The following ENOX1 variants were observed in gnomAD, a reference collection of about 807,000 sequenced individuals.
The protein encoded by ENOX1 is ecto-NOX disulfide-thiol exchanger 1.
ENOX1 carries 42 observed loss-of-function variants against 82.5 expected under a neutral mutation model. That is an observed-to-expected ratio of 0.51 (90% confidence interval 0.40 to 0.66). The LOEUF (loss-of-function observed/expected upper bound fraction) is 0.66, where lower values mean the gene tolerates loss of function less well. ENOX1 is among the 30% of genes least tolerant of loss of function. ENOX1 has a pLI of 0.00. For synonymous variants in ENOX1, 271 were observed against 282.2 expected, an observed-to-expected ratio of 0.96 and a Z score of 0.40; for missense variants, 608 against 811.6, an observed-to-expected ratio of 0.75 and a Z score of 3.05.
intron 1 of ENOX1, among the ~76,000 whole-genome samples, chr13:43,782,934 T>G (rs1952358298): frequency 6.6e-6 from 1 of 152,162 alleles, no homozygotes. Flanking sequence ...ATGGCTTTGA[T>G]AAAAGACTGA....
At chr13:43,405,586 G>A (rs1462842470) in intron 5 of ENOX1, among the ~76,000 whole-genome samples, 1 of 151,704 alleles carries the variant, frequency 6.6e-6, no homozygotes, top group Non-Finnish European at 1.5e-5. Context: ...CCACTTGCAA[G>A]TCTAGAAGCC....
chr13:43,488,793 A>G (rs1361065314), intron 2 of ENOX1, among the ~76,000 whole-genome samples: 1 of 152,224 alleles, frequency 6.6e-6, no homozygotes, highest in African/African-American at 2.4e-5. Flanking sequence ...GAGATCTCAG[A>G]TGGACATAAG....
intron 2 of ENOX1, among the ~76,000 whole-genome samples, chr13:43,491,302 T>A (rs1038300759): frequency 6.6e-6 from 1 of 152,134 alleles, no homozygotes; most frequent in African/African-American, 2.4e-5. Context: ...CATCACCTCC[T>A]ACCAGGCCCC....
chr13:43,306,366 C>CT lies in ENOX1; in HGVS notation c.1262-7837dup, dbSNP rs2046863421. 3.3e-5 allele frequency among the ~76,000 whole-genome samples: 5 copies of CT among 152,238 alleles called. No homozygotes were observed. The South Asian group carries it at 1.0e-3, about 32-fold the overall frequency. On this transcript the variant is annotated intron_variant, in intron 11 of 16. Transcript: ENST00000690772. ...TTTCTTTTAATTCGATTTTAGTTTTCTTTTTCACTTTCAGTCCCTATTTTG... is the reference window on the plus strand; with the variant it reads ...TTTCTTTTAATTCGATTTTAGTTTTCTTTTTTCACTTTCAGTCCCTATTTTG...
intron 1 of ENOX1, among the ~76,000 whole-genome samples, chr13:43,770,276 T>C (rs1010744120): frequency 6.6e-6 from 1 of 152,238 alleles, no homozygotes; most frequent in African/African-American, 2.4e-5. Context: ...CCTGGTCACA[T>C]GACCTACAAT....
In ENOX1 at chr13:43,288,698, TG is replaced by T. The variant is rs537659289; in HGVS notation, c.1446+9647del. On this transcript the variant is annotated intron_variant, in intron 12 of 16. Transcript: ENST00000690772. ...GAGCCAATAACCAGATCATTGTGTATGGGCTATTCCTTCCTTCTAATTGAAC... is the reference window on the plus strand; with the variant it reads ...GAGCCAATAACCAGATCATTGTGTATGGCTATTCCTTCCTTCTAATTGAAC... 1.3e-4 allele frequency among the ~76,000 whole-genome samples: 20 copies of T among 152,332 alleles called. No homozygotes were observed. In the South Asian group the frequency reaches 3.7e-3, roughly 28 times the overall value.
intron 12 of ENOX1, among the ~76,000 whole-genome samples, chr13:43,292,938 C>T (rs1261807829): frequency 6.6e-6 from 1 of 152,000 alleles, no homozygotes; most frequent in Non-Finnish European, 1.5e-5. Context: ...CCACTAGCCC[C>T]AACATGGCCA....
intron 2 of ENOX1, among the ~76,000 whole-genome samples, chr13:43,530,059 C>T (rs2078145633): frequency 1.3e-5 from 2 of 152,062 alleles, no homozygotes; most frequent in Non-Finnish European, 2.9e-5. Context: ...TGTTTCAATA[C>T]TCATCTAATA....
intron 15 of ENOX1, among the ~76,000 whole-genome samples, chr13:43,231,216 A>G (rs2042265211): frequency 1.3e-5 from 2 of 152,180 alleles, no homozygotes; most frequent in Non-Finnish European, 2.9e-5. Flanking sequence ...GTCTTGTTTC[A>G]TGTTGACACC....
chr13:43,276,549 G>T (rs1481228331), intron 12 of ENOX1, among the ~76,000 whole-genome samples: 1 of 152,130 alleles, frequency 6.6e-6, no homozygotes, highest in Non-Finnish European at 1.5e-5. Context: ...ATCAAGTTTT[G>T]GTTCTCACTG....
intron 2 of ENOX1, among the ~76,000 whole-genome samples, chr13:43,533,223 C>T (rs2153689587): frequency 6.6e-6 from 1 of 152,114 alleles, no homozygotes; most frequent in South Asian, 2.1e-4. Context: ...TCATATCTTC[C>T]CCCAGGAGGA....
At chr13:43,466,269 T>G (rs1182008743) in intron 3 of ENOX1, among the ~76,000 whole-genome samples, 1 of 151,802 alleles carries the variant, frequency 6.6e-6, no homozygotes, top group East Asian at 1.9e-4. Context: ...AAAGTAAAAA[T>G]CCACTAAGGA....
At chr13:43,462,117 A>T (rs1487178872) in intron 3 of ENOX1, among the ~76,000 whole-genome samples, 2 of 152,220 alleles carry the variant, frequency 1.3e-5, no homozygotes, top group African/African-American at 4.8e-5. Flanking sequence ...GACCCACTCT[A>T]TCTGATCCAG....
At chr13:43,685,168 A>C (rs1219266120) in intron 1 of ENOX1, among the ~76,000 whole-genome samples, 1 of 152,150 alleles carries the variant, frequency 6.6e-6, no homozygotes, top group Admixed American at 6.6e-5. Context: ...CCCGGACGAC[A>C]CTTTCCTACA....
chr13:43,432,822 T>C (rs1351194520), intron 3 of ENOX1, among the ~76,000 whole-genome samples: 2 of 152,196 alleles, frequency 1.3e-5, no homozygotes, highest in African/African-American at 2.4e-5. Context: ...TTTATTTCTT[T>C]TTTTTAAGGG....
chr13:43,459,730 C>T (rs939914763), intron 3 of ENOX1, among the ~76,000 whole-genome samples: 1 of 152,060 alleles, frequency 6.6e-6, no homozygotes, highest in Non-Finnish European at 1.5e-5. Flanking sequence ...GCGGTGGCTC[C>T]CACCTGTAAT....
At chr13:43,559,038 C>T (rs1232344948) in intron 2 of ENOX1, among the ~76,000 whole-genome samples, 6 of 152,172 alleles carry the variant, frequency 3.9e-5, no homozygotes, top group African/African-American at 1.4e-4. Flanking sequence ...AAAAGGATGA[C>T]ACAAACAGAG....
chr13:43,480,971 A>T (rs1358011727), intron 3 of ENOX1, among the ~76,000 whole-genome samples: 1 of 152,222 alleles, frequency 6.6e-6, no homozygotes. Flanking sequence ...ATTGAAAAGG[A>T]TGGAACATTT....
chr13:43,739,422 G>A lies in ENOX1; in HGVS notation c.-285+47230C>T, dbSNP rs752341476. On this transcript the variant is annotated intron_variant, in intron 1 of 16. Transcript: ENST00000690772. Reference sequence around the variant, plus strand: ...GAACTAGCCGGGCATGGTGGCATGCGCCTGTAGTCCCAGCTACTTGGGAGG... The same window carrying A: ...GAACTAGCCGGGCATGGTGGCATGCACCTGTAGTCCCAGCTACTTGGGAGG... 1.1e-4 allele frequency among the ~76,000 whole-genome samples: 17 copies of A among 151,952 alleles called. 1 individual carries two copies. The highest frequency in any genetic ancestry group is 3.9e-4 in the East Asian group (2 of 5,176).
Sources: allele counts gnomAD v4.1 joint callset (sites outside exome capture counted in the v4.1 genomes callset), GRCh38; gene constraint gnomAD v4.1.1; transcripts MANE v1.5; gene names NCBI Gene and HGNC (gene_info 2026-07-23, HGNC 2026-07-21).